Variants in BBS9 observed in about 807,000 individuals in gnomAD.
BBS9 encodes the protein protein PTHB1.
BBS9 carries 89 observed loss-of-function variants against 117.7 expected under a neutral mutation model. The observed-to-expected ratio is 0.76, with a 90% confidence interval of 0.64 to 0.90. BBS9 has a LOEUF of 0.90. BBS9 is among the 40% of genes least tolerant of loss of function. BBS9 has a pLI of 0.00. For missense variants in BBS9, 982 were observed against 1,042.2 expected (o/e 0.94, Z 0.80); for synonymous variants, 379 against 370.9 (o/e 1.02, Z -0.25).
In BBS9 at chr7:33,130,061, G is replaced by A. The variant is rs1000311235; in HGVS notation, c.-12+20G>A. ...CATCAGGTAAGATGGTATGTCTGTTGTTAAACTTCGGGTACATGAATACCC... is the reference window on the plus strand; with the variant it reads ...CATCAGGTAAGATGGTATGTCTGTTATTAAACTTCGGGTACATGAATACCC... On this transcript the variant is annotated intron_variant, in intron 1 of 22. Transcript: ENST00000242067. 1 of 152,198 alleles carries A rather than the reference G, an allele frequency of 6.6e-6. No homozygotes were observed. The highest frequency in any genetic ancestry group is 2.4e-5 in the African/African-American group (1 of 41,440). 9.4% of individuals were successfully genotyped at this position (152,198 alleles called of 1,614,324 possible). A position where few individuals can be genotyped will look rare whatever the true frequency, so the allele number is the denominator to read the frequency against.
chr7:33,498,724 T>G (rs1311481687), intron 19 of BBS9, among the ~76,000 whole-genome samples: 5 of 152,232 alleles, frequency 3.3e-5, no homozygotes, highest in Non-Finnish European at 5.9e-5. Context: ...AATATTCCAT[T>G]ATATGAATAT....
intron 21 of BBS9, among the ~76,000 whole-genome samples, chr7:33,582,516 T>G (rs1367690746): frequency 6.6e-6 from 1 of 150,914 alleles, no homozygotes; most frequent in Non-Finnish European, 1.5e-5. Context: ...ATACCTTGTT[T>G]CTACAATACA....
chr7:33,152,106 C>T (rs1309892986), intron 2 of BBS9, among the ~76,000 whole-genome samples: 1 of 152,140 alleles, frequency 6.6e-6, no homozygotes, highest in Non-Finnish European at 1.5e-5. Context: ...TTAACTGGAC[C>T]TCATTTTAAC....
At chr7:33,524,282 T>G (rs1300190919) in intron 20 of BBS9, among the ~76,000 whole-genome samples, 1 of 152,050 alleles carries the variant, frequency 6.6e-6, no homozygotes, top group African/African-American at 2.4e-5. Flanking sequence ...TTAGGGAGGA[T>G]TCCCTCTTTT....
chr7:33,315,932 C>T (rs1229929646), intron 9 of BBS9, among the ~76,000 whole-genome samples: 1 of 152,132 alleles, frequency 6.6e-6, no homozygotes, highest in African/African-American at 2.4e-5. Flanking sequence ...TTTTTCTATA[C>T]TTCCATCTAC....
chr7:33,587,539 A>G (rs1412359930), intron 21 of BBS9, among the ~76,000 whole-genome samples: 5 of 152,104 alleles, frequency 3.3e-5, no homozygotes, highest in African/African-American at 1.2e-4. Flanking sequence ...TGCAGGATGT[A>G]TAGGAGGTAA....
intron 16 of BBS9, among the ~76,000 whole-genome samples, chr7:33,365,368 T>C (rs796629696): frequency 3.3e-5 from 5 of 152,336 alleles, no homozygotes; most frequent in African/African-American, 1.2e-4. Flanking sequence ...CAGTATGAGA[T>C]GTAGAGGTTC....
intron 21 of BBS9, among the ~76,000 whole-genome samples, chr7:33,593,305 A>C (rs1862228965): frequency 6.6e-6 from 1 of 152,142 alleles, no homozygotes; most frequent in African/African-American, 2.4e-5. Flanking sequence ...ATGGCTGGGC[A>C]ATACTTTTGT....
intron 21 of BBS9, among the ~76,000 whole-genome samples, chr7:33,567,295 G>C (rs142625958): frequency 3.5e-3 from 533 of 152,258 alleles, no homozygotes; most frequent in African/African-American, 0.012. Context: ...TTCTTTAAAT[G>C]TGCATATTCC....
intron 5 of BBS9, among the ~76,000 whole-genome samples, chr7:33,229,634 C>T (rs183940256): frequency 6.6e-6 from 1 of 151,974 alleles, no homozygotes; most frequent in Non-Finnish European, 1.5e-5. Context: ...AACTATATAC[C>T]ACAGTTTCTT....
chr7:33,263,952 T>C (rs1052524330), intron 6 of BBS9, among the ~76,000 whole-genome samples: 1 of 152,100 alleles, frequency 6.6e-6, no homozygotes, highest in Non-Finnish European at 1.5e-5. Flanking sequence ...CATATTTACA[T>C]TTTTTTCTGT....
At chr7:33,369,733 T>C (rs1352601549) in intron 17 of BBS9, among the ~76,000 whole-genome samples, 1 of 152,204 alleles carries the variant, frequency 6.6e-6, no homozygotes, top group Non-Finnish European at 1.5e-5. Flanking sequence ...TTGGTGCTCC[T>C]ACTGCTTTAT....
chr7:33,385,627 CTTTTTAATT>C (rs1382706100), intron 18 of BBS9, among the ~76,000 whole-genome samples: 1 of 152,070 alleles, frequency 6.6e-6, no homozygotes, highest in Non-Finnish European at 1.5e-5. Context: ...TTGAGAACAT[CTTTTTAATT>C]TTTTAGTGTA....
At chr7:33,599,472 G>T (rs138869760) in intron 21 of BBS9, among the ~76,000 whole-genome samples, 1 of 152,208 alleles carries the variant, frequency 6.6e-6, no homozygotes, top group African/African-American at 2.4e-5. Flanking sequence ...GCTAATGATT[G>T]CTATATGTAT....
Position 33,613,210 on chromosome 7 carries a change from G to T in BBS9, c.2522-21967G>T, listed in dbSNP as rs77418948. On this transcript the variant is annotated intron_variant, in intron 21 of 21. Coordinates refer to the BBS9 transcript ENST00000671952. ...CTCTTATTATTTCATCTGCAAAGTG[G>T]GGGGCCTGTCCCACCTGTGTCACCA... Among the ~76,000 whole-genome samples the T allele has an allele frequency of 8.4e-3, 1,271 of 152,110 alleles. 21 individuals are homozygous for T. Among genetic ancestry groups the T allele is most frequent in the East Asian group, 0.083 (429 of 5,158 alleles).
rs12666595 is a variant in BBS9 at position 33,417,640 on chromosome 7, T to G, written c.2115+29496T>G. On this transcript the variant is annotated intron_variant, in intron 19 of 22. Transcript: ENST00000242067. ...GCCATAACTGTTTAGTGGAGTCTGT[T>G]AAGATCATGGGAATTAAGAATGTTT... Among the ~76,000 whole-genome samples, 3,011 of 152,302 alleles carry G rather than the reference T, an allele frequency of 0.02. 204 individuals carry two copies. The East Asian group carries it at 0.26, about 13-fold the overall frequency.
intron 15 of BBS9, among the ~76,000 whole-genome samples, chr7:33,353,370 A>T (rs1319024930): frequency 6.6e-6 from 1 of 152,162 alleles, no homozygotes; most frequent in Admixed American, 6.5e-5. Flanking sequence ...GTTATCAAAC[A>T]TCTGACTCCC....
intron 17 of BBS9, among the ~76,000 whole-genome samples, chr7:33,374,715 A>C (rs1019587694): frequency 6.6e-6 from 1 of 152,074 alleles, no homozygotes; most frequent in Non-Finnish European, 1.5e-5. Context: ...CAGCCTGACC[A>C]ACATGGAGAA....
Position 33,542,363 on chromosome 7 carries a change from G to C in BBS9, c.2521+8187G>C, listed in dbSNP as rs28642750. Among the ~76,000 whole-genome samples, 726 of 152,068 alleles carry C rather than the reference G, an allele frequency of 4.8e-3. 7 individuals are homozygous for C. Among genetic ancestry groups the C allele is most frequent in the African/African-American group, 0.015 (619 of 41,494 alleles). ...CTCCCAAAGTGCTGGGATTACAGGC[G>C]TGAGCCACCGCACCCAGCCCATGAG... On this transcript the variant is annotated intron_variant, in intron 21 of 22. Coordinates refer to ENST00000242067, the MANE Select transcript of BBS9 (RefSeq NM_198428.3).
Sources: allele counts gnomAD v4.1 joint callset (sites outside exome capture counted in the v4.1 genomes callset), GRCh38; gene constraint gnomAD v4.1.1; transcripts MANE v1.5; gene names NCBI Gene and HGNC (gene_info 2026-07-23, HGNC 2026-07-21).